The following SPATA6 variants were observed in gnomAD, a reference collection of about 807,000 sequenced individuals.
SPATA6 encodes spermatogenesis associated 6, also known as spermatogenesis-associated protein 6.
SPATA6 carries 56 observed loss-of-function variants against 65.3 expected under a neutral mutation model. That is an observed-to-expected ratio of 0.86 (90% CI 0.69 to 1.07). The LOEUF is 1.07. SPATA6 is among the 50% of genes least tolerant of loss of function. SPATA6 has a pLI of 0.00. For missense variants in SPATA6, 590 were observed against 594.8 expected (o/e 0.99, Z 0.08); for synonymous variants, 199 against 213.2 (o/e 0.93, Z 0.58).
intron 12 of SPATA6, among the ~76,000 whole-genome samples, chr1:48,303,763 T>C (rs1479168572): frequency 6.6e-6 from 1 of 152,184 alleles, no homozygotes. Flanking sequence ...TTTCCTTTCT[T>C]TTAGGTAGTA....
rs1220870707 is a variant in SPATA6 at position 48,472,109 on chromosome 1, CG to C, written c.-102del. 1 of 978,202 alleles carries C rather than the reference CG, an allele frequency of 1.0e-6. No homozygotes were observed. The highest frequency in any genetic ancestry group is 1.4e-6 in the Non-Finnish European group (1 of 702,850). 60.6% of individuals were successfully genotyped at this position (978,202 alleles called of 1,614,324 possible). ...GGACGGGGAGGAGACGAGGTGGCGG[CG>C]GCGGTGGCAGCAGTGGCCCCCAGGC... On this transcript the variant is annotated 5_prime_UTR_variant, in exon 1 of 13. Transcript: ENST00000371847.
chr1:48,283,732 T>C, the SPATA6 span, among the ~76,000 whole-genome samples: 3 of 62,390 alleles, frequency 4.8e-5, no homozygotes, highest in East Asian at 9.1e-4. Flanking sequence ...AAAATTCTTT[T>C]CTTTAAGAAT....
At chr1:48,407,840 G>A (rs1651851641) in intron 5 of SPATA6, among the ~76,000 whole-genome samples, 2 of 152,106 alleles carry the variant, frequency 1.3e-5, no homozygotes, top group South Asian at 4.1e-4. Context: ...AAATGCAAAA[G>A]TAACTCAAAT....
chr1:48,413,175 C>A, intron 3 of SPATA6, 24 bp from the exon 4 acceptor site: 1 of 1,363,874 alleles, frequency 7.3e-7, no homozygotes, highest in Non-Finnish European at 9.6e-7. Flanking sequence ...GAAAAATTTC[C>A]TTAAATAAAC....
At chr1:48,341,532 C>T (rs1646214998) in intron 11 of SPATA6, among the ~76,000 whole-genome samples, 1 of 152,078 alleles carries the variant, frequency 6.6e-6, no homozygotes, top group Non-Finnish European at 1.5e-5. Flanking sequence ...TTCAAGTTAC[C>T]CTTAGTTTAC....
At chr1:48,343,223 T>C (rs1321536847) in intron 11 of SPATA6, among the ~76,000 whole-genome samples, 1 of 151,992 alleles carries the variant, frequency 6.6e-6, no homozygotes, top group Non-Finnish European at 1.5e-5. Context: ...TTGCAAGACA[T>C]AAAGACATGA....
chr1:48,350,001 T>C (rs1005744431), intron 11 of SPATA6, among the ~76,000 whole-genome samples: 1 of 151,902 alleles, frequency 6.6e-6, no homozygotes, highest in Non-Finnish European at 1.5e-5. Flanking sequence ...TGCCAGGTCA[T>C]ATGATAAGTA....
rs972553636 is a variant in SPATA6 at position 48,338,388 on chromosome 1, A to G, written c.1194+17282T>C. 1.1e-4 allele frequency among the ~76,000 whole-genome samples: 16 copies of G among 152,114 alleles called. No homozygotes were observed. The East Asian group carries it at 2.9e-3, about 28-fold the overall frequency. Reference sequence around the variant, plus strand: ...TTGTTGACTTATGAAGTTGCTTAGGACCAGAGGGTATAAAGCTACACCAAA... The same window carrying G: ...TTGTTGACTTATGAAGTTGCTTAGGGCCAGAGGGTATAAAGCTACACCAAA... On this transcript the variant is annotated intron_variant, in intron 11 of 12. Coordinates refer to ENST00000371847, the MANE Select transcript of SPATA6 (RefSeq NM_019073.4).
chr1:48,434,259 GAAAA>G (rs530291772), intron 3 of SPATA6, among the ~76,000 whole-genome samples: 2 of 109,896 alleles, frequency 1.8e-5, no homozygotes, highest in Non-Finnish European at 3.5e-5. Flanking sequence ...AGCAGTGAAA[GAAAA>G]AAAAAAAAAA....
chr1:48,305,734 A>G, intron 12 of SPATA6, 53 bp downstream of exon 12: 1 of 1,345,988 alleles, frequency 7.4e-7, no homozygotes, highest in South Asian at 1.4e-5. Flanking sequence ...ATATTATAAA[A>G]CAGTTATTTT....
At chr1:48,369,983 C>T (rs1647186543) in intron 9 of SPATA6, among the ~76,000 whole-genome samples, 1 of 152,212 alleles carries the variant, frequency 6.6e-6, no homozygotes, top group Non-Finnish European at 1.5e-5. Flanking sequence ...CTCTTCAAAT[C>T]TATGATATGC....
intron 1 of SPATA6, 44 bp downstream of exon 1, chr1:48,471,914 C>A (rs1369661297): frequency 2.5e-6 from 4 of 1,606,518 alleles, no homozygotes; most frequent in Non-Finnish European, 3.4e-6. Context: ...CTGAGGGAGT[C>A]CCTGAGCCAA....
At chr1:48,315,963 GAAACCA>G (rs1645402676) in intron 11 of SPATA6, among the ~76,000 whole-genome samples, 1 of 152,072 alleles carries the variant, frequency 6.6e-6, no homozygotes, top group African/African-American at 2.4e-5. Context: ...AAAATACTTC[GAAACCA>G]ATTTAAAAGG....
rs539671668 is a variant in SPATA6 at position 48,436,514 on chromosome 1, G to T, written c.238+15038C>A. ...CTGTACCAAAATGGCTGTATTCACA[G>T]GAGTATTAAAGCCAGCCATATCCTC... On this transcript the variant is annotated intron_variant, in intron 3 of 12. Coordinates refer to ENST00000371847, the MANE Select transcript of SPATA6 (RefSeq NM_019073.4). 2.8e-4 allele frequency: 457 copies of T among 1,611,886 alleles called. 4 individuals carry two copies. The South Asian group carries it at 4.4e-3, about 16-fold the overall frequency.
rs894471967 is a variant in SPATA6, at chr1:48,468,283, G to A, written c.51+3675C>T. ...TTTGCCAGTACTTAAACTTCACATT[G>A]GAGCCACATAGTATGTGATATTTAG... On this transcript the variant is annotated intron_variant, in intron 1 of 12. Coordinates refer to ENST00000371847, the MANE Select transcript of SPATA6 (RefSeq NM_019073.4). Among the ~76,000 whole-genome samples the A allele has an allele frequency of 3.3e-5, 5 of 152,272 alleles. 1 individual carries two copies. Among genetic ancestry groups the A allele is most frequent in the Middle Eastern group, 6.8e-3 (2 of 294 alleles).
rs550720741 is a variant in SPATA6 at position 48,369,886 on chromosome 1, G to A, written c.910-10116C>T. On this transcript the variant is annotated intron_variant, in intron 9 of 12. Coordinates refer to ENST00000371847, the MANE Select transcript of SPATA6 (RefSeq NM_019073.4). ...TTCTGCGTCGCTCACGCTGGGAGCT[G>A]TAGACCGGAGCTCCTCCTATTCGGC... 5.3e-5 allele frequency among the ~76,000 whole-genome samples: 8 copies of A among 152,296 alleles called. No individual in the cohort carries two copies. In the East Asian group the frequency reaches 1.5e-3, roughly 29 times the overall value.
chr1:48,378,871 A>G (rs1220050636), intron 9 of SPATA6, among the ~76,000 whole-genome samples: 1 of 152,228 alleles, frequency 6.6e-6, no homozygotes, highest in Non-Finnish European at 1.5e-5. Context: ...GATAAAGAAA[A>G]TGTAGTATAT....
chr1:48,395,530 T>G (rs986009405), intron 7 of SPATA6, among the ~76,000 whole-genome samples, 176 bp from the exon 8 acceptor site: 12 of 151,958 alleles, frequency 7.9e-5, no homozygotes, highest in Non-Finnish European at 1.5e-4. Context: ...TGTTGTTCGT[T>G]GCAAAATAAA....
chr1:48,342,642 G>A (rs1570213701), intron 11 of SPATA6, among the ~76,000 whole-genome samples: 1 of 150,624 alleles, frequency 6.6e-6, no homozygotes, highest in East Asian at 1.9e-4. Flanking sequence ...GAATAAATAT[G>A]ACTCAATTTA....
Sources: gnomAD v4.1 joint callset for allele counts (sites outside exome capture counted in the v4.1 genomes callset) on GRCh38, gnomAD v4.1.1 for gene constraint, MANE v1.5 for transcripts, NCBI Gene and HGNC (gene_info 2026-07-23, HGNC 2026-07-21) for gene names.